PRKG1: variants seen among roughly 807,000 people sequenced by gnomAD.
PRKG1 encodes protein kinase cGMP-dependent 1, also known as cGMP-dependent protein kinase 1.
A neutral mutation model predicts 88.1 loss-of-function variants in PRKG1; 35 were observed. That is an observed-to-expected ratio of 0.40 (90% CI 0.30 to 0.53). PRKG1 has a LOEUF of 0.53. PRKG1 is among the 20% of genes least tolerant of loss of function. The probability of loss-of-function intolerance (pLI) is 0.59; values close to 1 mark genes in which losing one functional copy is unlikely to be tolerated. For missense variants in PRKG1, 540 were observed against 839.8 expected, an observed-to-expected ratio of 0.64 and a Z score of 4.41; for synonymous variants, 303 against 292.5, an observed-to-expected ratio of 1.04 and a Z score of -0.37.
At chr10:52,153,861 T>TC (rs1838010033) in intron 8 of PRKG1, among the ~76,000 whole-genome samples, 1 of 152,138 alleles carries the variant, frequency 6.6e-6, no homozygotes, top group Non-Finnish European at 1.5e-5. Flanking sequence ...TTCTCCTGCC[T>TC]CAGCCTCCTG....
chr10:51,423,146 G>A lies in PRKG1; in HGVS notation c.479-44577G>A, dbSNP rs1838466968. 2.0e-5 allele frequency among the ~76,000 whole-genome samples: 3 copies of A among 152,084 alleles called. No individual in the cohort carries two copies. The South Asian group carries it at 6.2e-4, about 31-fold the overall frequency. On this transcript the variant is annotated intron_variant, in intron 2 of 17. Transcript: ENST00000373980. ...AGTTATATTTCTCTATTCAAATCAAGTGTGTGACATCTTGCTTCTTTCCAC... is the reference window on the plus strand; with the variant it reads ...AGTTATATTTCTCTATTCAAATCAAATGTGTGACATCTTGCTTCTTTCCAC...
intron 1 of PRKG1, among the ~76,000 whole-genome samples, chr10:51,098,930 C>T (rs1299119919): frequency 6.6e-6 from 1 of 152,122 alleles, no homozygotes; most frequent in Non-Finnish European, 1.5e-5. Flanking sequence ...TTCCACCCAC[C>T]CCAGAGCAAA....
chr10:52,024,046 G>T (rs1845261180), intron 5 of PRKG1, among the ~76,000 whole-genome samples: 2 of 152,084 alleles, frequency 1.3e-5, no homozygotes, highest in Non-Finnish European at 2.9e-5. Flanking sequence ...ATGGTTTTAG[G>T]TCTTATGTTT....
rs375314507 is a variant in PRKG1, at chr10:51,331,391, G to A, written c.479-136332G>A. The stretch of plus-strand genomic sequence containing the variant: ...TCGTGGTCTCATCTGGTGCCAGAGT[G>A]TTCTAGAGGCTCAGTCTGTGAGTAC... On this transcript the variant is annotated intron_variant, in intron 2 of 17. Transcript: ENST00000373980. 3.9e-5 allele frequency among the ~76,000 whole-genome samples: 6 copies of A among 152,248 alleles called. No homozygotes were observed. The South Asian group carries it at 1.2e-3, about 32-fold the overall frequency.
chr10:52,165,040 G>GTAAT (rs1198923038), intron 9 of PRKG1, among the ~76,000 whole-genome samples: 2 of 152,052 alleles, frequency 1.3e-5, no homozygotes, highest in Non-Finnish European at 2.9e-5. Context: ...TTAGAAAATG[G>GTAAT]TAATTGCTTG....
At chr10:51,870,944 A>G (rs576620307) in intron 4 of PRKG1, among the ~76,000 whole-genome samples, 50 of 152,290 alleles carry the variant, frequency 3.3e-4, no homozygotes, top group African/African-American at 1.1e-3. Flanking sequence ...ACACTCTTCA[A>G]CCACTTTACC....
intron 2 of PRKG1, among the ~76,000 whole-genome samples, chr10:51,221,371 A>G (rs961306443): frequency 6.6e-6 from 1 of 152,096 alleles, no homozygotes; most frequent in East Asian, 1.9e-4. Flanking sequence ...AGCCATCTAG[A>G]TCTATGATAT....
chr10:52,119,957 CAGAGACAGAG>C (rs1847778503), intron 7 of PRKG1, among the ~76,000 whole-genome samples: 1 of 134,992 alleles, frequency 7.4e-6, no homozygotes, highest in Non-Finnish European at 1.7e-5. Flanking sequence ...GATAGACAGA[CAGAGACAGAG>C]AGAGACAGAG....
intron 1 of PRKG1, among the ~76,000 whole-genome samples, chr10:51,107,988 A>G (rs1221857693): frequency 6.6e-6 from 1 of 152,162 alleles, no homozygotes; most frequent in East Asian, 1.9e-4. Flanking sequence ...TACATTTTAC[A>G]TGAAATTTAC....
intron 9 of PRKG1, among the ~76,000 whole-genome samples, chr10:52,180,389 A>T (rs939963418): frequency 4.0e-5 from 6 of 151,782 alleles, no homozygotes; most frequent in African/African-American, 1.2e-4. Flanking sequence ...ATTACTTTGG[A>T]TTTTTCTTTG....
chr10:51,785,750 A>G (rs1838711181), intron 3 of PRKG1, among the ~76,000 whole-genome samples: 1 of 152,152 alleles, frequency 6.6e-6, no homozygotes, highest in Non-Finnish European at 1.5e-5. Flanking sequence ...AATAAACATG[A>G]TGGTCTCACG....
chr10:51,765,964 C>T (rs1838150261), intron 3 of PRKG1, among the ~76,000 whole-genome samples: 1 of 152,034 alleles, frequency 6.6e-6, no homozygotes, highest in Admixed American at 6.6e-5. Context: ...CCCAGTTTGG[C>T]TCCCCAATGA....
intron 3 of PRKG1, among the ~76,000 whole-genome samples, chr10:51,599,010 A>G (rs1003553894): frequency 6.6e-6 from 1 of 152,218 alleles, no homozygotes; most frequent in African/African-American, 2.4e-5. Context: ...AGTTGTTTAG[A>G]GCTGAAATAA....
At chr10:51,140,304 GCTGAGAACA>G (rs1845790423) in intron 1 of PRKG1, among the ~76,000 whole-genome samples, 1 of 152,090 alleles carries the variant, frequency 6.6e-6, no homozygotes, top group African/African-American at 2.4e-5. Context: ...TAAAATTTTA[GCTGAGAACA>G]CAGATACTGT....
chr10:51,997,930 T>C (rs2133142867), intron 5 of PRKG1, among the ~76,000 whole-genome samples: 1 of 152,260 alleles, frequency 6.6e-6, no homozygotes. Flanking sequence ...CAATAAAACG[T>C]TGAATAGAGG....
At chr10:52,189,295 C>T (rs1377017178) in intron 9 of PRKG1, among the ~76,000 whole-genome samples, 2 of 152,122 alleles carry the variant, frequency 1.3e-5, no homozygotes, top group Non-Finnish European at 2.9e-5. Flanking sequence ...CGCAATCCTT[C>T]CCCACTTCTC....
chr10:51,804,813 T>C, intron 4 of PRKG1, 123 bp downstream of exon 4: 5 of 639,748 alleles, frequency 7.8e-6, no homozygotes, highest in Non-Finnish European at 1.4e-5. Flanking sequence ...AGTCTACAAA[T>C]GTGTAGAGAT....
intron 2 of PRKG1, among the ~76,000 whole-genome samples, chr10:51,304,069 C>A (rs560100714): frequency 6.6e-6 from 1 of 152,220 alleles, no homozygotes; most frequent in East Asian, 1.9e-4. Context: ...ATCTGCCCAC[C>A]TCGGCCTCCC....
chr10:52,062,988 A>G, intron 7 of PRKG1: 1 of 572,920 alleles, frequency 1.7e-6, no homozygotes, highest in Admixed American at 3.2e-5. Flanking sequence ...GAAATTTTTG[A>G]AATCCCTAAA....
Sources: allele counts gnomAD v4.1 joint callset (sites outside exome capture counted in the v4.1 genomes callset), GRCh38; gene constraint gnomAD v4.1.1; transcripts MANE v1.5; gene names NCBI Gene and HGNC (gene_info 2026-07-23, HGNC 2026-07-21).